PLA2G2C: variants seen among roughly 807,000 people sequenced by gnomAD.
PLA2G2C encodes the protein putative inactive group IIC secretory phospholipase A2.
A neutral mutation model predicts 14.3 loss-of-function variants in PLA2G2C; 15 were observed. That is an observed-to-expected ratio of 1.05 (90% CI 0.70 to 1.62). The LOEUF is 1.62. Among genes scored for constraint, PLA2G2C ranks in the 40% most tolerant of loss-of-function variants. The probability of loss-of-function intolerance (pLI) is 0.00; values close to 1 mark genes in which losing one functional copy is unlikely to be tolerated. For missense variants in PLA2G2C, 162 were observed against 173.2 expected, an observed-to-expected ratio of 0.94 and a Z score of 0.36; for synonymous variants, 79 against 67.7, an observed-to-expected ratio of 1.17 and a Z score of -0.82.
At chr1:20,183,314 C>T (rs1284314079) in intron 1 of PLA2G2C, among the ~76,000 whole-genome samples, 5 of 152,202 alleles carry the variant, frequency 3.3e-5, no homozygotes, top group African/African-American at 4.8e-5. Flanking sequence ...CAAGCTTTGA[C>T]GTCAGAGGCC....
chr1:20,181,422 AT>A, intron 1 of PLA2G2C, among the ~76,000 whole-genome samples: 1 of 152,168 alleles, frequency 6.6e-6, no homozygotes, highest in East Asian at 1.9e-4. Context: ...AGTAAGGGTA[AT>A]TGAAGCTGGC....
At chr1:20,172,540 C>T (rs2301474) in intron 4 of PLA2G2C, among the ~76,000 whole-genome samples, 50,230 of 152,088 alleles carry the variant, frequency 0.33, 8,838 homozygotes, top group East Asian at 0.65. Flanking sequence ...CAAGTATTTA[C>T]TGAGCATGTA....
chr1:20,166,247 G>A (rs1023397286), intron 4 of PLA2G2C, among the ~76,000 whole-genome samples: 11 of 152,170 alleles, frequency 7.2e-5, no homozygotes, highest in Non-Finnish European at 1.2e-4. Context: ...TGCAGAAGCC[G>A]TCCTCCCACG....
intron 4 of PLA2G2C, among the ~76,000 whole-genome samples, chr1:20,168,929 T>G (rs1026941413): frequency 7.9e-5 from 12 of 151,068 alleles, no homozygotes; most frequent in African/African-American, 3.0e-4. Context: ...CCCTGGGCTC[T>G]GGTGACAGGC....
In PLA2G2C at chr1:20,175,799, T is replaced by C. The variant is rs545655828; in HGVS notation, c.41-654A>G. Among the ~76,000 whole-genome samples, 9 of 152,348 alleles carry C rather than the reference T, an allele frequency of 5.9e-5. No individual in the cohort carries two copies. The South Asian group carries it at 1.7e-3, about 28-fold the overall frequency. Reference sequence around the variant, plus strand: ...AAAAATAAACTACATTTGATAGCACTATCTCTAGGCAATTGGGATTGAAGA... The same window carrying C: ...AAAAATAAACTACATTTGATAGCACCATCTCTAGGCAATTGGGATTGAAGA... On this transcript the variant is annotated intron_variant, in intron 2 of 4. Transcript: ENST00000679259.
chr1:20,175,742 G>A (rs927930104), intron 2 of PLA2G2C, among the ~76,000 whole-genome samples: 4 of 152,084 alleles, frequency 2.6e-5, no homozygotes, highest in Non-Finnish European at 4.4e-5. Context: ...CATGTCCACC[G>A]ACAGGGGGAT....
chr1:20,172,301 GCT>G, intron 4 of PLA2G2C, among the ~76,000 whole-genome samples: 1 of 152,126 alleles, frequency 6.6e-6, no homozygotes, highest in Non-Finnish European at 1.5e-5. Context: ...TGCCCACATG[GCT>G]CCTTGAATGG....
intron 1 of PLA2G2C, among the ~76,000 whole-genome samples, chr1:20,178,230 G>C (rs2018218071): frequency 6.6e-6 from 1 of 152,182 alleles, no homozygotes; most frequent in African/African-American, 2.4e-5. Context: ...CCCTGCCATG[G>C]AGCTGCCAGG....
Position 20,180,850 on chromosome 1 carries a change from T to C in PLA2G2C, c.-76-3411A>G, listed in dbSNP as rs374785424. On this transcript the variant is annotated intron_variant, in intron 1 of 4. Coordinates refer to ENST00000679259, the MANE Select transcript of PLA2G2C (RefSeq NM_001367969.2). ...AGCAGCCAGTAAGTTGCAGGGTCCCTAGACGCCACCATCTGGGTCCTTTCC... is the reference window on the plus strand; with the variant it reads ...AGCAGCCAGTAAGTTGCAGGGTCCCCAGACGCCACCATCTGGGTCCTTTCC... 9.2e-5 allele frequency among the ~76,000 whole-genome samples: 14 copies of C among 152,378 alleles called. 1 individual carries two copies. The East Asian group carries it at 9.6e-4, about 10-fold the overall frequency.
intron 4 of PLA2G2C, among the ~76,000 whole-genome samples, chr1:20,164,829 C>T (rs1316370731): frequency 6.6e-5 from 10 of 152,360 alleles, no homozygotes; most frequent in African/African-American, 1.9e-4. Flanking sequence ...CAGCGGGTCC[C>T]GCTAATCTTC....
At chr1:20,180,199 C>T (rs1309573327) in intron 1 of PLA2G2C, among the ~76,000 whole-genome samples, 1 of 152,018 alleles carries the variant, frequency 6.6e-6, no homozygotes, top group Non-Finnish European at 1.5e-5. Flanking sequence ...CTCCTGGAGC[C>T]TCCCAGCAAC....
At position 20,175,103 on chromosome 1, in the gene PLA2G2C, T is replaced by C; in HGVS notation, c.83A>G (p.Lys28Arg). 1.2e-6 allele frequency: 2 copies of C among 1,613,942 alleles called. No individual in the cohort carries two copies. The highest frequency in any genetic ancestry group is 1.7e-6 in the Non-Finnish European group (2 of 1,179,878). Residue 28 changes from lysine to arginine, a missense_variant, in exon 3 of 5, where the codon AAA becomes AGA. Lys to Arg is a conservative substitution (Grantham distance 26). Transcript: ENST00000679259. ...GAAGGCACTTCGCCCCGTGATGTGT[T>C]TGACCCTCCTCTGAAACTGCCAGAA... ...SSFWQFQRRV[K>R]HITGRSAFFS...
intron 4 of PLA2G2C, among the ~76,000 whole-genome samples, chr1:20,172,054 C>T (rs554656837): frequency 5.4e-4 from 82 of 152,166 alleles, no homozygotes; most frequent in African/African-American, 1.5e-3. Context: ...TGAGCCACCG[C>T]GCCCGGCCAA....
chr1:20,170,823 G>A (rs2018060872), intron 4 of PLA2G2C, among the ~76,000 whole-genome samples: 1 of 141,606 alleles, frequency 7.1e-6, no homozygotes, highest in Admixed American at 6.9e-5. Context: ...CTGCTCTGAA[G>A]GGGCAACGTG....
intron 1 of PLA2G2C, among the ~76,000 whole-genome samples, chr1:20,180,089 T>C (rs1224480452): frequency 6.6e-6 from 1 of 152,042 alleles, no homozygotes; most frequent in Non-Finnish European, 1.5e-5. Context: ...TTCCAGCTTC[T>C]CCCTTGTGTG....
At chr1:20,164,609 C>T (rs2017942707) in intron 4 of PLA2G2C, among the ~76,000 whole-genome samples, 1 of 152,194 alleles carries the variant, frequency 6.6e-6, no homozygotes, top group African/African-American at 2.4e-5. Context: ...GTGATGGGAG[C>T]ATTTTCCCAG....
intron 2 of PLA2G2C, 190 bp from the exon 3 acceptor site, chr1:20,175,335 T>G: frequency 2.6e-6 from 2 of 777,174 alleles, no homozygotes; most frequent in Non-Finnish European, 4.0e-6. Flanking sequence ...GATTTGCCCC[T>G]GTAACACAGC....
chr1:20,179,795 CCTCT>C (rs1411993000), intron 1 of PLA2G2C, among the ~76,000 whole-genome samples: 2 of 135,236 alleles, frequency 1.5e-5, no homozygotes, highest in African/African-American at 2.8e-5. Flanking sequence ...TCACTTTCTC[CCTCT>C]ATGTTGGCTT....
At chr1:20,177,195 T>C (rs560800881) in intron 2 of PLA2G2C, 129 bp downstream of exon 2, 46 of 692,842 alleles carry the variant, frequency 6.6e-5, no homozygotes, top group African/African-American at 6.5e-4. Context: ...GGGAGCCCGT[T>C]CCTTTCCTGA....
Sources: gnomAD v4.1 joint callset for allele counts (sites outside exome capture counted in the v4.1 genomes callset) on GRCh38, gnomAD v4.1.1 for gene constraint, MANE v1.5 for transcripts, NCBI Gene and HGNC (gene_info 2026-07-23, HGNC 2026-07-21) for gene names.